LMBRD1: variants seen among roughly 807,000 people sequenced by gnomAD.
The protein encoded by LMBRD1 is LMBR1 domain containing 1.
In LMBRD1, 64 loss-of-function variants were observed where a neutral mutation model predicts 74.8. The ratio of observed to expected loss-of-function variants is 0.86; its 90% CI spans 0.70 to 1.05. LMBRD1 has a LOEUF of 1.05. Ranked by LOEUF, LMBRD1 falls within the 50% of genes least tolerant of loss-of-function variation. The pLI is 0.00. For missense variants in LMBRD1, 652 were observed against 645.9 expected (o/e 1.01, Z -0.10); for synonymous variants, 204 against 216.3 (o/e 0.94, Z 0.50).
Position 69,796,945 on chromosome 6 carries a change from G to A in LMBRD1, c.-64C>T. Reference sequence around the variant, plus strand: ...GGGGAAAGGGGAGGGGGAAAGGGGAGAGAGCGCGAGATATACTGCACCCGC... The same window carrying A: ...GGGGAAAGGGGAGGGGGAAAGGGGAAAGAGCGCGAGATATACTGCACCCGC... On this transcript the variant is annotated 5_prime_UTR_variant, in exon 1 of 16. Coordinates refer to ENST00000649934, the MANE Select transcript of LMBRD1 (RefSeq NM_018368.4). 3 of 1,403,332 alleles carry A rather than the reference G, an allele frequency of 2.1e-6. No individual in the cohort carries two copies. The highest frequency in any genetic ancestry group is 4.7e-5 in the East Asian group (2 of 42,500). 86.9% of individuals were successfully genotyped at this position (1,403,332 alleles called of 1,614,324 possible).
intron 3 of LMBRD1, among the ~76,000 whole-genome samples, chr6:69,777,409 C>T (rs9354889): frequency 0.34 from 50,820 of 147,458 alleles, 9,650 homozygotes; most frequent in East Asian, 0.54. Flanking sequence ...GCCGAGACTG[C>T]ACTTCAGCCT....
chr6:69,738,065 C>G lies in LMBRD1; in HGVS notation c.563-50G>C, dbSNP rs779756088. On this transcript the variant is annotated intron_variant, in intron 6 of 15. Transcript: ENST00000649934. ...AAATGTACATATATACTACTCAAAT[C>G]CTTATATTTAGCAAATCAACATAGA... The G allele has an allele frequency of 2.5e-5, 33 of 1,319,550 alleles. No homozygotes were observed. The South Asian group carries it at 3.9e-4, about 16-fold the overall frequency. 81.7% of individuals were successfully genotyped at this position (1,319,550 alleles called of 1,614,324 possible). A position where few individuals can be genotyped will look rare whatever the true frequency, so the allele number is the denominator to read the frequency against.
intron 14 of LMBRD1, among the ~76,000 whole-genome samples, chr6:69,689,660 A>G (rs551272549): frequency 1.3e-5 from 2 of 152,218 alleles, no homozygotes; most frequent in Admixed American, 6.5e-5. Context: ...TGCTTGTTCT[A>G]AGTTTTATTT....
chr6:69,776,717 C>T (rs996967796), intron 3 of LMBRD1, among the ~76,000 whole-genome samples: 4 of 152,170 alleles, frequency 2.6e-5, no homozygotes, highest in African/African-American at 4.8e-5. Flanking sequence ...AAGCCACTGA[C>T]TTAGGCCACT....
chr6:69,739,639 G>C (rs1767054053), intron 6 of LMBRD1, among the ~76,000 whole-genome samples: 1 of 152,114 alleles, frequency 6.6e-6, no homozygotes, highest in Admixed American at 6.5e-5. Flanking sequence ...TATAGTGGCA[G>C]AAATTATAAC....
In LMBRD1 at chr6:69,728,425, G is replaced by A. The variant is rs571050832; in HGVS notation, c.637-9344C>T. Among the ~76,000 whole-genome samples, 41 of 152,264 alleles carry A rather than the reference G, an allele frequency of 2.7e-4. No homozygotes were observed. The South Asian group carries it at 8.3e-3, about 31-fold the overall frequency. On this transcript the variant is annotated intron_variant, in intron 7 of 15. Transcript: ENST00000649934. ...AGAATGTTGCTTTTTACAACAAAAT[G>A]CCATGGCAATATTTTGCTAAGCCCA...
intron 2 of LMBRD1, among the ~76,000 whole-genome samples, chr6:69,788,981 T>A (rs1473433196): frequency 6.6e-6 from 1 of 152,204 alleles, no homozygotes; most frequent in African/African-American, 2.4e-5. Flanking sequence ...ACAGGATTGT[T>A]TAAGAGACCA....
rs2305838 is a variant in LMBRD1 at position 69,790,559 on chromosome 6, C to A, written c.70-87G>T. On this transcript the variant is annotated intron_variant, in intron 1 of 15. Transcript: ENST00000649934. ...GTGTTTGAAAGTTTCTAGCAGGAAA[C>A]CTTATGTGAAGTAAAGGTTATTTTA... The A allele has an allele frequency of 0.4, 531,744 of 1,336,950 alleles. 108,335 individuals are homozygous for A. Among genetic ancestry groups the A allele is most frequent in the East Asian group, 0.55 (23,613 of 43,202 alleles). The allele number at this position is 1,336,950 out of a possible 1,614,324, so 82.8% of individuals were successfully genotyped here. A position where few individuals can be genotyped will look rare whatever the true frequency, so the allele number is the denominator to read the frequency against.
intron 3 of LMBRD1, among the ~76,000 whole-genome samples, chr6:69,770,011 G>A (rs1765547033): frequency 6.6e-6 from 1 of 152,074 alleles, no homozygotes; most frequent in Non-Finnish European, 1.5e-5. Flanking sequence ...CACACGTGTA[G>A]AGCCTCTAGG....
At chr6:69,700,954 T>C in intron 11 of LMBRD1, 85 bp from the exon 12 acceptor site, 8 of 918,618 alleles carry the variant, frequency 8.7e-6, no homozygotes, top group Non-Finnish European at 1.2e-5. Flanking sequence ...AACTTCATTA[T>C]TCTCATCCGG....
intron 3 of LMBRD1, among the ~76,000 whole-genome samples, chr6:69,753,772 C>T (rs1469361001): frequency 6.6e-6 from 1 of 152,054 alleles, no homozygotes; most frequent in Non-Finnish European, 1.5e-5. Context: ...AACCCCGTCT[C>T]TACTAAAAAT....
intron 9 of LMBRD1, among the ~76,000 whole-genome samples, chr6:69,706,695 A>G (rs115687011): frequency 0.013 from 1,992 of 152,208 alleles, 41 homozygotes; most frequent in African/African-American, 0.046. Context: ...TCCTATTACT[A>G]TTATATTTCA....
intron 14 of LMBRD1, among the ~76,000 whole-genome samples, chr6:69,691,481 G>A (rs888892048): frequency 5.9e-5 from 9 of 152,026 alleles, no homozygotes; most frequent in African/African-American, 2.2e-4. Context: ...AAAAAATGAG[G>A]GGATTCTTTA....
At chr6:69,751,384 T>G (rs1582123745) in intron 4 of LMBRD1, among the ~76,000 whole-genome samples, 1 of 151,962 alleles carries the variant, frequency 6.6e-6, no homozygotes, top group Non-Finnish European at 1.5e-5. Flanking sequence ...TGGAGCGCAG[T>G]GGAGTGATCT....
intron 5 of LMBRD1, among the ~76,000 whole-genome samples, chr6:69,748,060 C>T (rs1308657207): frequency 6.6e-6 from 1 of 152,138 alleles, no homozygotes; most frequent in Admixed American, 6.5e-5. Context: ...ATGATTCTCA[C>T]TCATGTTCTA....
In LMBRD1 at chr6:69,676,128, G is replaced by C. The variant is rs749499948; in HGVS notation, c.*30C>G. On this transcript the variant is annotated 3_prime_UTR_variant, in exon 16 of 16. Transcript: ENST00000649934. ...AAAATGCATAACAGATATTCAGTCA[G>C]CATTATAAAACCTTTAAGACAGAAG... is the stretch of plus-strand genomic sequence containing the variant. 6.6e-7 allele frequency: 1 copy of C among 1,523,476 alleles called. No individual in the cohort carries two copies. 94.4% of individuals were successfully genotyped at this position (1,523,476 alleles called of 1,614,324 possible).
chr6:69,786,282 A>C (rs1430566665), intron 2 of LMBRD1, among the ~76,000 whole-genome samples: 1 of 152,186 alleles, frequency 6.6e-6, no homozygotes, highest in Non-Finnish European at 1.5e-5. Flanking sequence ...CCACCATTTG[A>C]AAATAGGAAT....
intron 14 of LMBRD1, among the ~76,000 whole-genome samples, chr6:69,678,858 C>T (rs535179321): frequency 4.0e-5 from 6 of 151,792 alleles, no homozygotes; most frequent in Middle Eastern, 3.4e-3. Context: ...CATGGTTTTC[C>T]AAAAATAGCA....
rs569948666 is a variant in LMBRD1 at position 69,780,639 on chromosome 6, T to C, written c.247-85A>G. ...AGTCAAGTTTTAATACGACTGAATA[T>C]CACTTCCAAAATCTATCCACCCACA... On this transcript the variant is annotated intron_variant, in intron 2 of 15. Transcript: ENST00000649934. 8.4e-6 allele frequency: 8 copies of C among 951,844 alleles called. No homozygotes were observed. In the Admixed American group the frequency reaches 1.2e-4, roughly 14 times the overall value. The allele number at this position is 951,844 out of a possible 1,614,324, so 59.0% of individuals were successfully genotyped here.
Sources: gnomAD v4.1 joint callset for allele counts (sites outside exome capture counted in the v4.1 genomes callset) on GRCh38, gnomAD v4.1.1 for gene constraint, MANE v1.5 for transcripts, NCBI Gene and HGNC (gene_info 2026-07-23, HGNC 2026-07-21) for gene names.